Variants in GNA12 observed in about 807,000 individuals in gnomAD.
GNA12 encodes G protein subunit alpha 12.
GNA12 carries 9 observed loss-of-function variants against 26.0 expected under a neutral mutation model. That is an observed-to-expected ratio of 0.35 (90% CI 0.21 to 0.60). GNA12 has a LOEUF of 0.60. GNA12 is among the 20% of genes least tolerant of loss of function. GNA12 has a pLI of 0.78. For missense variants in GNA12, 405 were observed against 525.8 expected, an observed-to-expected ratio of 0.77 and a Z score of 2.25; for synonymous variants, 264 against 219.6, an observed-to-expected ratio of 1.20 and a Z score of -1.79.
chr7:2,761,055 C>T (rs763885805), intron 2 of GNA12, among the ~76,000 whole-genome samples: 19 of 152,204 alleles, frequency 1.2e-4, no homozygotes, highest in Non-Finnish European at 2.2e-4. Context: ...GACATGTAAA[C>T]GGAGTCAGGA....
At chr7:2,766,604 C>T (rs973335566) in intron 2 of GNA12, among the ~76,000 whole-genome samples, 1 of 151,952 alleles carries the variant, frequency 6.6e-6, no homozygotes, top group African/African-American at 2.4e-5. Flanking sequence ...CAGGCTGGTC[C>T]TGAACTCCTG....
chr7:2,773,816 G>T (rs1324041738), intron 2 of GNA12, among the ~76,000 whole-genome samples: 1 of 152,172 alleles, frequency 6.6e-6, no homozygotes, highest in Non-Finnish European at 1.5e-5. Context: ...ACAGGTTCTT[G>T]AATACCTACA....
At chr7:2,732,854 A>C (rs1789970323) in intron 3 of GNA12, among the ~76,000 whole-genome samples, 1 of 152,250 alleles carries the variant, frequency 6.6e-6, no homozygotes, top group African/African-American at 2.4e-5. Flanking sequence ...GATCCTGACC[A>C]ATGGCAATGC....
At chr7:2,826,352 G>A (rs550310707) in intron 1 of GNA12, among the ~76,000 whole-genome samples, 14 of 146,578 alleles carry the variant, frequency 9.6e-5, no homozygotes, top group African/African-American at 3.3e-4. Context: ...ACTCCAGCCT[G>A]GGTGACAGAG....
At chr7:2,776,863 TC>T (rs1792090949) in intron 2 of GNA12, among the ~76,000 whole-genome samples, 1 of 152,120 alleles carries the variant, frequency 6.6e-6, no homozygotes. Flanking sequence ...GGTGGGAGGA[TC>T]ACTTGAACCT....
chr7:2,837,522 G>A (rs546581210), intron 1 of GNA12, among the ~76,000 whole-genome samples: 5 of 152,320 alleles, frequency 3.3e-5, no homozygotes, highest in African/African-American at 9.6e-5. Flanking sequence ...ATGGGATGAA[G>A]CCTGTGCCAA....
chr7:2,835,551 G>A (rs1318936616), intron 1 of GNA12: 1 of 487,786 alleles, frequency 2.1e-6, no homozygotes, highest in Non-Finnish European at 3.8e-6. Flanking sequence ...AGGGAATTCT[G>A]GGCCGACAGG....
chr7:2,842,082 CGGGAAGGAA>C (rs1249881050), intron 1 of GNA12, among the ~76,000 whole-genome samples: 6 of 71,792 alleles, frequency 8.4e-5, no homozygotes, highest in Non-Finnish European at 1.5e-4. Flanking sequence ...AAAAGGAAGG[CGGGAAGGAA>C]AGGAAGGAAA....
intron 1 of GNA12, among the ~76,000 whole-genome samples, chr7:2,805,426 C>A (rs193236403): frequency 6.6e-6 from 1 of 152,132 alleles, no homozygotes; most frequent in Admixed American, 6.5e-5. Context: ...TTTGTAGAGA[C>A]AGGGTCACAC....
intron 2 of GNA12, among the ~76,000 whole-genome samples, chr7:2,757,443 G>A (rs1445902673): frequency 6.6e-6 from 1 of 152,160 alleles, no homozygotes; most frequent in Non-Finnish European, 1.5e-5. Flanking sequence ...GGCACCCCTA[G>A]GAGCTGCCAG....
rs530214087 is a variant in GNA12, at chr7:2,763,570, G to C, written c.526-30069C>G. Among the ~76,000 whole-genome samples, 3 of 152,330 alleles carry C rather than the reference G, an allele frequency of 2.0e-5. No homozygotes were observed. In the East Asian group the frequency reaches 5.8e-4, roughly 29 times the overall value. On this transcript the variant is annotated intron_variant, in intron 2 of 3. Transcript: ENST00000275364. ...ATTCTCAATGGTCCTGTAATCTAAGGCTAGCTCGAAACAAAAAACAATTAT... is the reference window on the plus strand; with the variant it reads ...ATTCTCAATGGTCCTGTAATCTAAGCCTAGCTCGAAACAAAAAACAATTAT...
chr7:2,831,404 CTTTTT>C (rs3996402), intron 1 of GNA12, among the ~76,000 whole-genome samples: 2 of 130,082 alleles, frequency 1.5e-5, no homozygotes, highest in South Asian at 2.4e-4. Flanking sequence ...ACTTCACTTT[CTTTTT>C]TTTTTTTTTT....
Position 2,733,506 on chromosome 7 carries a change from CAGGA to C in GNA12, c.526-9_526-6del, listed in dbSNP as rs1340870396. The stretch of plus-strand genomic sequence containing the variant: ...GAAGTACTTCACCGACTCCCCCTGT[CAGGA>C]AGGAAGAATATTCACAGCTCAGTCT... On this transcript the variant is annotated splice_polypyrimidine_tract_variant and splice_region_variant and intron_variant, in intron 2 of 3. Transcript: ENST00000275364. The C allele has an allele frequency of 1.9e-6, 3 of 1,612,516 alleles. No homozygotes were observed. Among genetic ancestry groups the C allele is most frequent in the Non-Finnish European group, 2.5e-6 (3 of 1,178,690 alleles).
At chr7:2,825,039 C>T (rs1013899555) in intron 1 of GNA12, among the ~76,000 whole-genome samples, 2 of 152,196 alleles carry the variant, frequency 1.3e-5, no homozygotes, top group East Asian at 1.9e-4. Flanking sequence ...TCCTAGATCT[C>T]GCTCTGGGTA....
intron 1 of GNA12, among the ~76,000 whole-genome samples, chr7:2,801,707 A>T (rs1012374567): frequency 1.4e-5 from 2 of 147,858 alleles, no homozygotes. Context: ...AAAAGGCATT[A>T]AAAAAAAAAG....
intron 2 of GNA12, among the ~76,000 whole-genome samples, chr7:2,774,964 T>C (rs972598610): frequency 1.3e-5 from 2 of 152,196 alleles, no homozygotes; most frequent in Admixed American, 6.5e-5. Context: ...AATTGCACAA[T>C]TTAATTTACC....
chr7:2,787,988 T>C lies in GNA12; in HGVS notation c.525+6940A>G, dbSNP rs188631918. On this transcript the variant is annotated intron_variant, in intron 2 of 3. Transcript: ENST00000275364. ...GGCCAATGTAGTGAAACCCTATCTC[T>C]ACTAAAAATACAAAAAATTAGCCGG... is the stretch of plus-strand genomic sequence containing the variant. Among the ~76,000 whole-genome samples, 7 of 152,214 alleles carry C rather than the reference T, an allele frequency of 4.6e-5. No individual in the cohort carries two copies. In the East Asian group the frequency reaches 9.7e-4, roughly 21 times the overall value.
At chr7:2,843,442 T>G (rs557476032) in intron 1 of GNA12, among the ~76,000 whole-genome samples, 3 of 152,034 alleles carry the variant, frequency 2.0e-5, no homozygotes, top group Non-Finnish European at 4.4e-5. Context: ...GCCAGGAGAC[T>G]GAGACCAGCC....
At chr7:2,780,186 A>G (rs1256773552) in intron 2 of GNA12, among the ~76,000 whole-genome samples, 1 of 150,522 alleles carries the variant, frequency 6.6e-6, no homozygotes, top group African/African-American at 2.4e-5. Context: ...TTCCATGTCA[A>G]CATAGAGAGT....
Sources: gnomAD v4.1 joint callset for allele counts (sites outside exome capture counted in the v4.1 genomes callset) on GRCh38, gnomAD v4.1.1 for gene constraint, MANE v1.5 for transcripts, NCBI Gene and HGNC (gene_info 2026-07-23, HGNC 2026-07-21) for gene names.